LRP2: variants seen among roughly 807,000 people sequenced by gnomAD.
LRP2 encodes the protein LDL receptor related protein 2.
Under a neutral mutation model 531.0 loss-of-function variants are expected in LRP2, and 172 were observed. The ratio of observed to expected loss-of-function variants is 0.32; its 90% confidence interval spans 0.29 to 0.37. The LOEUF (loss-of-function observed/expected upper bound fraction) is 0.37. Among genes scored for constraint, LRP2 ranks in the 10% least tolerant of loss-of-function variants. The pLI, the probability that LRP2 is intolerant of heterozygous loss-of-function variation, is 1.00. For synonymous variants in LRP2, 1,992 were observed against 2,027.6 expected (o/e 0.98, Z 0.47); for missense variants, 5,167 against 5,868.3 (o/e 0.88, Z 3.90).
chr2:169,202,106 T>A (rs1281897651), intron 43 of LRP2, among the ~76,000 whole-genome samples: 1 of 152,140 alleles, frequency 6.6e-6, no homozygotes, highest in East Asian at 1.9e-4. Flanking sequence ...TAAGCACAAA[T>A]CAAAGTCATT....
intron 48 of LRP2, 85 bp downstream of exon 48, chr2:169,191,746 TG>T (rs1687835766): frequency 2.7e-6 from 3 of 1,121,046 alleles, no homozygotes; most frequent in African/African-American, 1.5e-5. Context: ...CTGGGCACTG[TG>T]GCCACGGGGT....
intron 38 of LRP2, among the ~76,000 whole-genome samples, chr2:169,207,989 C>G (rs2268373): frequency 0.28 from 42,867 of 152,116 alleles, 6,342 homozygotes; most frequent in South Asian, 0.38. Flanking sequence ...CTAGAGAAAT[C>G]AGGCCAATGT....
In LRP2 at chr2:169,307,307, G is replaced by T. The variant is rs1486362513; in HGVS notation, c.401C>A (p.Pro134His). 1 of 1,613,460 alleles carries T rather than the reference G, an allele frequency of 6.2e-7. No homozygotes were observed. Residue 134 changes from proline to histidine, a missense_variant, in exon 4 of 79, where the codon CCC (proline) becomes CAC (histidine). Transcript: ENST00000649046. ...EYRCDHVRDC[P>H]DGADENDCQY... The stretch of plus-strand genomic sequence containing the variant: ...GCAGTCATTCTCATCAGCTCCATCG[G>T]GGCAGTCTCTGACGTGGTCGCACCT...
chr2:169,259,010 C>T lies in LRP2; in HGVS notation c.2513+15G>A, dbSNP rs779837765. 1 of 1,612,450 alleles carries T rather than the reference C, an allele frequency of 6.2e-7. No homozygotes were observed. The highest frequency in any genetic ancestry group is 2.2e-5 in the East Asian group (1 of 44,836). On this transcript the variant is annotated intron_variant, in intron 17 of 78. Transcript: ENST00000649046. ...ATACAGTTTCAAGCTCTTAGGAAAACATGAACACACTTACCCGGCAAAAGG... is the reference window on the plus strand; with the variant it reads ...ATACAGTTTCAAGCTCTTAGGAAAATATGAACACACTTACCCGGCAAAAGG...
At chr2:169,258,791 G>A (rs1690416152) in intron 17 of LRP2, among the ~76,000 whole-genome samples, 1 of 152,046 alleles carries the variant, frequency 6.6e-6, no homozygotes, top group African/African-American at 2.4e-5. Context: ...ACTCTTCAGT[G>A]AAGACTGAGA....
intron 52 of LRP2, among the ~76,000 whole-genome samples, chr2:169,180,290 A>G (rs907056513): frequency 6.6e-6 from 1 of 152,214 alleles, no homozygotes; most frequent in African/African-American, 2.4e-5. Flanking sequence ...GAGGATACAC[A>G]CACTGTGGGA....
intron 3 of LRP2, among the ~76,000 whole-genome samples, chr2:169,318,361 A>G (rs1034221885): frequency 6.6e-5 from 10 of 152,038 alleles, no homozygotes; most frequent in African/African-American, 2.2e-4. Flanking sequence ...TCAGTCAAAA[A>G]GAAGAGAATT....
At chr2:169,247,548 A>G in intron 19 of LRP2, 33 bp from the exon 20 acceptor site, 1 of 1,612,100 alleles carries the variant, frequency 6.2e-7, no homozygotes, top group Non-Finnish European at 8.5e-7. Flanking sequence ...TAGTATTTTC[A>G]GTCACAGCTA....
Position 169,294,677 on chromosome 2 carries a change from T to C in LRP2, c.461A>G (p.Asn154Ser), listed in dbSNP as rs1436040281. 1.9e-6 allele frequency: 3 copies of C among 1,568,362 alleles called. No individual in the cohort carries two copies. The highest frequency in any genetic ancestry group is 2.3e-5 in the East Asian group (1 of 43,638). ...CTGACTGGTGTTATAGCAGGCCCCATTGTCACAAGTAAGCTGCTCACATGT... is the reference window on the plus strand; with the variant it reads ...CTGACTGGTGTTATAGCAGGCCCCACTGTCACAAGTAAGCTGCTCACATGT... The part of the protein sequence containing the change: ...YPTCEQLTCD[N>S]GACYNTSQKC... Residue 154 changes from asparagine to serine, a missense_variant, in exon 5 of 79, where the codon AAT becomes AGT. Around this residue, in one of 6 missense-constraint regions of LRP2, gnomAD observed 2,811 missense variants for 3,058.0 expected, o/e 0.92. Transcript: ENST00000649046.
chr2:169,159,194 T>C (rs1331099728), intron 63 of LRP2, among the ~76,000 whole-genome samples: 2 of 152,132 alleles, frequency 1.3e-5, no homozygotes, highest in African/African-American at 2.4e-5. Context: ...ACCTCTCAAA[T>C]AAAAAGTCTC....
At chr2:169,198,104 A>G (rs1688066007) in intron 45 of LRP2, among the ~76,000 whole-genome samples, 1 of 152,196 alleles carries the variant, frequency 6.6e-6, no homozygotes, top group Admixed American at 6.5e-5. Flanking sequence ...CAACGTATCT[A>G]GGGGATATAA....
At position 169,213,586 on chromosome 2, in the gene LRP2, G is replaced by A. The variant is rs1313396258; in HGVS notation, c.6040+71C>T. The A allele has an allele frequency of 3.3e-6, 4 of 1,209,852 alleles. 1 individual carries two copies. The highest frequency in any genetic ancestry group is 4.9e-6 in the Non-Finnish European group (4 of 813,928). 74.9% of individuals were successfully genotyped at this position (1,209,852 alleles called of 1,614,324 possible). On this transcript the variant is annotated intron_variant, in intron 36 of 78. Coordinates refer to ENST00000649046, the MANE Select transcript of LRP2 (RefSeq NM_004525.3). ...TACGTGAAACTGTGTGTGGGTGTGT[G>A]CTTACAAATGTGAGTTATGTGTGAA...
In LRP2 at chr2:169,193,828, G is replaced by A. The variant is rs753178695; in HGVS notation, c.8763C>T (p.Ser2921=). Residue 2921 remains serine, a synonymous_variant, in exon 47 of 79, where the codon AGC becomes AGT. Coordinates refer to ENST00000649046, the MANE Select transcript of LRP2 (RefSeq NM_004525.3). ...FKCDGGRCIP[S]EWICDGDNDC... ...CATTATCACCGTCACAGATCCATTC[G>A]CTTGGGATGCACCTCCCACCATCAC... 3.0e-5 allele frequency: 48 copies of A among 1,613,940 alleles called. No individual in the cohort carries two copies. Among genetic ancestry groups the A allele is most frequent in the African/African-American group, 4.0e-5 (3 of 74,884 alleles).
At chr2:169,213,610 A>C in intron 36 of LRP2, 47 bp downstream of exon 36, 1 of 1,414,876 alleles carries the variant, frequency 7.1e-7, no homozygotes, top group Non-Finnish European at 1.0e-6. Flanking sequence ...GTTATGTGTG[A>C]ATATGCATTA....
rs544466385 is a variant in LRP2 at position 169,275,590 on chromosome 2, A to G, written c.1773-352T>C. On this transcript the variant is annotated intron_variant, in intron 13 of 78. Coordinates refer to ENST00000649046, the MANE Select transcript of LRP2 (RefSeq NM_004525.3). ...GATGTGAAATAGCATTTTGAATACC[A>G]TAAGTGAAAGAGTATACCAAGACTT... is the stretch of plus-strand genomic sequence containing the variant. Among the ~76,000 whole-genome samples the G allele has an allele frequency of 5.3e-5, 8 of 152,296 alleles. No individual in the cohort carries two copies. In the South Asian group the frequency reaches 1.2e-3, roughly 24 times the overall value.
intron 62 of LRP2, among the ~76,000 whole-genome samples, chr2:169,164,035 T>C (rs1686688780): frequency 6.6e-6 from 1 of 152,130 alleles, no homozygotes; most frequent in Non-Finnish European, 1.5e-5. Flanking sequence ...CTTTTGAAAG[T>C]GAAGGTGGTG....
At chr2:169,257,825 CA>C (rs74268259) in intron 17 of LRP2, among the ~76,000 whole-genome samples, 5,440 of 132,322 alleles carry the variant, frequency 0.041, 135 homozygotes, top group South Asian at 0.1. Context: ...AAAACAAAAA[CA>C]AAAAAAAAAA....
chr2:169,316,645 G>T (rs1051404414), intron 3 of LRP2, among the ~76,000 whole-genome samples: 1 of 152,116 alleles, frequency 6.6e-6, no homozygotes, highest in African/African-American at 2.4e-5. Context: ...GAGGTCCAAA[G>T]GTAGTTGAGT....
intron 17 of LRP2, among the ~76,000 whole-genome samples, chr2:169,258,763 G>C (rs1201054923): frequency 1.3e-5 from 2 of 151,916 alleles, no homozygotes; most frequent in Non-Finnish European, 2.9e-5. Context: ...TTGGTCCTCT[G>C]CAACTGTGAA....
Sources: allele counts gnomAD v4.1 joint callset (sites outside exome capture counted in the v4.1 genomes callset), GRCh38; gene constraint gnomAD v4.1.1; regional missense constraint gnomAD v4.1.1; transcripts MANE v1.5; gene names NCBI Gene and HGNC (gene_info 2026-07-23, HGNC 2026-07-21).